Variants in PACRG observed in about 807,000 individuals in gnomAD.
The protein encoded by PACRG is parkin coregulated gene protein.
PACRG carries 29 observed loss-of-function variants against 29.7 expected under a neutral mutation model. The observed-to-expected ratio is 0.98, with a 90% confidence interval of 0.73 to 1.33. The LOEUF is 1.33. Among genes scored for constraint, PACRG ranks in the 40% most tolerant of loss-of-function variants. The pLI is 0.00. For missense variants in PACRG, 279 were observed against 316.2 expected (o/e 0.88, Z 0.89); for synonymous variants, 116 against 118.7 (o/e 0.98, Z 0.15).
rs543402120 is a variant in PACRG at position 162,893,203 on chromosome 6, A to G, written c.291+78922A>G. On this transcript the variant is annotated intron_variant, in intron 2 of 4. Coordinates refer to ENST00000366888, the MANE Select transcript of PACRG (RefSeq NM_001080379.2). Reference sequence around the variant, plus strand: ...CACCCAAACTATTACAAGCACCTTAACTGACTGCTGGCTCTCACATCGTCA... The same window carrying G: ...CACCCAAACTATTACAAGCACCTTAGCTGACTGCTGGCTCTCACATCGTCA... Among the ~76,000 whole-genome samples the G allele has an allele frequency of 4.6e-5, 7 of 152,272 alleles. No individual in the cohort carries two copies. The South Asian group carries it at 1.5e-3, about 32-fold the overall frequency.
At chr6:163,304,909 T>G (rs573259459) in intron 4 of PACRG, among the ~76,000 whole-genome samples, 1 of 152,150 alleles carries the variant, frequency 6.6e-6, no homozygotes, top group African/African-American at 2.4e-5. Flanking sequence ...AGAAAAGAAA[T>G]GATGAGATAA....
At chr6:163,312,972 T>C in intron 4 of PACRG, 1 of 249,522 alleles carries the variant, frequency 4.0e-6, no homozygotes. Context: ...CTCAGGCTGG[T>C]CTCAAACTCC....
chr6:162,812,286 A>G (rs1786938647), intron 1 of PACRG, among the ~76,000 whole-genome samples: 1 of 152,122 alleles, frequency 6.6e-6, no homozygotes, highest in African/African-American at 2.4e-5. Context: ...TGGATCTATG[A>G]TTATCTTAAC....
chr6:163,024,549 G>T (rs1225255652), intron 2 of PACRG, among the ~76,000 whole-genome samples: 1 of 152,128 alleles, frequency 6.6e-6, no homozygotes, highest in Non-Finnish European at 1.5e-5. Context: ...AAGCGCTTTG[G>T]CTATTCAGGC....
intron 2 of PACRG, among the ~76,000 whole-genome samples, chr6:162,959,713 A>G (rs549132942): frequency 1.1e-4 from 16 of 152,292 alleles, no homozygotes; most frequent in African/African-American, 3.8e-4. Context: ...CATTTGGGAC[A>G]TAAGTGCATT....
intron 2 of PACRG, among the ~76,000 whole-genome samples, chr6:163,008,755 T>C (rs967883844): frequency 2.0e-5 from 3 of 150,798 alleles, no homozygotes; most frequent in Non-Finnish European, 4.4e-5. Flanking sequence ...ACCTGAGAAA[T>C]GTTTGAATTG....
At chr6:163,296,447 A>C (rs1784782038) in intron 4 of PACRG, among the ~76,000 whole-genome samples, 1 of 152,164 alleles carries the variant, frequency 6.6e-6, no homozygotes, top group Non-Finnish European at 1.5e-5. Context: ...GGCACCCGCC[A>C]CCACGCCCGG....
intron 2 of PACRG, among the ~76,000 whole-genome samples, chr6:162,959,206 A>T (rs1800402642): frequency 6.6e-6 from 1 of 151,692 alleles, no homozygotes; most frequent in African/African-American, 2.4e-5. Flanking sequence ...GGTGTTAGCC[A>T]CCGTGCCTGG....
intron 1 of PACRG, among the ~76,000 whole-genome samples, chr6:162,762,779 G>A (rs1782480267): frequency 6.6e-6 from 1 of 152,096 alleles, no homozygotes; most frequent in Non-Finnish European, 1.5e-5. Context: ...AATCAATTTA[G>A]GAAGCAGATT....
intron 4 of PACRG, among the ~76,000 whole-genome samples, chr6:163,282,054 G>A (rs1300555755): frequency 6.6e-6 from 1 of 151,976 alleles, no homozygotes; most frequent in African/African-American, 2.4e-5. Flanking sequence ...TAAAATTATT[G>A]TTTGGGTCAC....
chr6:162,980,508 A>G (rs1307534811), intron 2 of PACRG, among the ~76,000 whole-genome samples: 1 of 152,148 alleles, frequency 6.6e-6, no homozygotes, highest in Non-Finnish European at 1.5e-5. Flanking sequence ...GGAGAATTAC[A>G]ATAATACTCT....
chr6:162,737,644 G>A (rs1476867126), intron 1 of PACRG, among the ~76,000 whole-genome samples: 2 of 152,160 alleles, frequency 1.3e-5, no homozygotes, highest in African/African-American at 2.4e-5. Flanking sequence ...TTTAGAAATT[G>A]GTGGGGCTAA....
intron 2 of PACRG, among the ~76,000 whole-genome samples, chr6:162,835,790 T>A (rs972932447): frequency 6.6e-6 from 1 of 152,128 alleles, no homozygotes; most frequent in African/African-American, 2.4e-5. Context: ...CAATCTACCA[T>A]TGGACACATT....
In PACRG at chr6:163,113,875, G is replaced by A. The variant is rs180859684; in HGVS notation, c.613+24467G>A. ...GAAACTAGTATTGTTTCACTTTGGT[G>A]TGTAACTCCACATTTTGTTTTCTAC... On this transcript the variant is annotated intron_variant, in intron 4 of 4. Transcript: ENST00000366888. Among the ~76,000 whole-genome samples, 8 of 152,320 alleles carry A rather than the reference G, an allele frequency of 5.3e-5. No individual in the cohort carries two copies. The East Asian group carries it at 1.5e-3, about 29-fold the overall frequency.
intron 2 of PACRG, among the ~76,000 whole-genome samples, chr6:162,873,611 A>G (rs1226744294): frequency 6.6e-6 from 1 of 152,210 alleles, no homozygotes; most frequent in East Asian, 1.9e-4. Flanking sequence ...GCATGAAACC[A>G]GCAATGAAGC....
At chr6:163,276,008 C>CTTCCTTCTTTCTTTCTTTCTTTCT (rs1554239015) in intron 4 of PACRG, among the ~76,000 whole-genome samples, 28 of 140,576 alleles carry the variant, frequency 2.0e-4, no homozygotes, top group African/African-American at 7.6e-4. Flanking sequence ...TCCTTCCTTC[C>CTTCCTTCTTTCTTTCTTTCTTTCT]TTCTTTCTTT....
intron 2 of PACRG, among the ~76,000 whole-genome samples, chr6:162,895,089 C>T (rs1795061399): frequency 6.7e-6 from 1 of 149,952 alleles, no homozygotes; most frequent in African/African-American, 2.4e-5. Context: ...GGTGAGATCC[C>T]CGTCTCTACC....
chr6:163,315,213 C>A lies in PACRG; in HGVS notation c.*226C>A. 4.7e-6 allele frequency: 2 copies of A among 428,796 alleles called. No individual in the cohort carries two copies. The highest frequency in any genetic ancestry group is 6.1e-5 in the South Asian group (1 of 16,392). 26.6% of individuals were successfully genotyped at this position (428,796 alleles called of 1,614,324 possible). A position where few individuals can be genotyped will look rare whatever the true frequency, so the allele number is the denominator to read the frequency against. On this transcript the variant is annotated 3_prime_UTR_variant, in exon 5 of 5. Coordinates refer to ENST00000366888, the MANE Select transcript of PACRG (RefSeq NM_001080379.2). ...CAATAGTGTACTGTGCTTATTTGTT[C>A]TAAGAGAAGAATTGCTTCTTTATAC...
At chr6:163,049,135 G>A (rs768376051) in intron 2 of PACRG, among the ~76,000 whole-genome samples, 31 of 152,094 alleles carry the variant, frequency 2.0e-4, no homozygotes, top group African/African-American at 6.0e-4. Flanking sequence ...TTAAACAGTC[G>A]TGATAATCAG....
Sources: gnomAD v4.1 joint callset for allele counts (sites outside exome capture counted in the v4.1 genomes callset) on GRCh38, gnomAD v4.1.1 for gene constraint, MANE v1.5 for transcripts, NCBI Gene and HGNC (gene_info 2026-07-23, HGNC 2026-07-21) for gene names.